The following WNK3 variants were observed in gnomAD, a reference collection of about 807,000 sequenced individuals.
WNK3 encodes the protein WNK lysine deficient protein kinase 3.
Under a neutral mutation model 116.7 loss-of-function variants are expected in WNK3, and 18 were observed. That is an observed-to-expected ratio of 0.15 (90% CI 0.11 to 0.23). The LOEUF is 0.23. Among genes scored for constraint, WNK3 ranks in the 10% least tolerant of loss-of-function variants. The pLI is 1.00. For missense variants in WNK3, 993 were observed against 1,323.8 expected (o/e 0.75, Z 3.88); for synonymous variants, 404 against 469.4 (o/e 0.86, Z 1.80).
At chrX:54,240,953 T>C (rs2068015878) in intron 17 of WNK3, among the ~76,000 whole-genome samples, 1 of 111,554 alleles carries the variant, frequency 9.0e-6, no homozygotes, top group Admixed American at 9.6e-5. Context: ...AGGTTTTGAC[T>C]TATTCACTGC....
At chrX:54,268,080 G>GCGCACACA (rs1491580080) in intron 10 of WNK3, among the ~76,000 whole-genome samples, 3 of 80,792 alleles carry the variant, frequency 3.7e-5, no homozygotes, top group South Asian at 7.8e-4. Flanking sequence ...CTGAATGCGT[G>GCGCACACA]CACACACACA....
chrX:54,265,939 G>T (rs2146993464), intron 10 of WNK3, among the ~76,000 whole-genome samples: 1 of 111,346 alleles, frequency 9.0e-6, no homozygotes, highest in African/African-American at 3.3e-5. Context: ...AGCTACCTGG[G>T]AGGCAGAGGC....
intron 22 of WNK3, among the ~76,000 whole-genome samples, chrX:54,210,360 C>T (rs782594686): frequency 7.1e-5 from 8 of 112,434 alleles, no homozygotes; most frequent in African/African-American, 2.6e-4. Flanking sequence ...GTGGCTCACG[C>T]CTGTAATCCC....
exon 16 of WNK3, chrX:54,250,062 C>G (rs781802911): frequency 1.7e-6 from 2 of 1,203,804 alleles, no homozygotes; most frequent in East Asian, 3.0e-5. Context: ...CTGAGTCTCA[C>G]GGTTTCTTAT....
intron 22 of WNK3, among the ~76,000 whole-genome samples, chrX:54,224,292 C>T (rs1247888231): frequency 1.9e-5 from 2 of 105,819 alleles, no homozygotes; most frequent in African/African-American, 6.9e-5. Context: ...GCAGAGGTTG[C>T]AGTGAGCTGA....
chrX:54,228,768 G>A (rs782082428), intron 21 of WNK3, 25 bp from the exon 22 acceptor site: 2 of 465,973 alleles, frequency 4.3e-6, no homozygotes, highest in South Asian at 7.1e-5. Context: ...GAAAAAGATA[G>A]TATCAAAATT....
At chrX:54,332,818 C>G (rs2069185175) in intron 2 of WNK3, among the ~76,000 whole-genome samples, 1 of 104,330 alleles carries the variant, frequency 9.6e-6, no homozygotes, top group Admixed American at 1.1e-4. Context: ...TGAGCCGAGA[C>G]TGCACCACTG....
chrX:54,226,094 C>CAAAAAA lies in WNK3; in HGVS notation c.4870+2619_4870+2620insTTTTTT, dbSNP rs2067833214. ...CTAGGACAAGGAGATATCCACATAC[C>CAAAAAA]CAAAAAAAAAAAAAAAAAAAAAAAA... is the stretch of plus-strand genomic sequence containing the variant. On this transcript the variant is annotated intron_variant, in intron 22 of 23. Coordinates refer to ENST00000354646, the Ensembl canonical transcript of WNK3. Among the ~76,000 whole-genome samples the CAAAAAA allele has an allele frequency of 1.2e-3, 14 of 11,991 alleles. 2 individuals are homozygous for CAAAAAA. The highest frequency in any genetic ancestry group is 0.11 in the East Asian group (2 of 18). 10.4% of individuals were successfully genotyped at this position (11,991 alleles called of 115,157 possible).
intron 20 of WNK3, among the ~76,000 whole-genome samples, chrX:54,234,992 A>G (rs1345125762): frequency 1.8e-5 from 2 of 112,148 alleles, no homozygotes; most frequent in Non-Finnish European, 3.8e-5. Flanking sequence ...ATGTAATGTC[A>G]AGCCTGTATA....
chrX:54,232,133 A>ATATG (rs1213146439), intron 21 of WNK3, among the ~76,000 whole-genome samples: 44 of 103,271 alleles, frequency 4.3e-4, no homozygotes, highest in African/African-American at 1.0e-3. Flanking sequence ...ATATATATAT[A>ATATG]TATGTATGTA....
chrX:54,260,976 TGCCTTG>T (rs1466185126), intron 10 of WNK3, among the ~76,000 whole-genome samples: 1 of 108,935 alleles, frequency 9.2e-6, no homozygotes, highest in African/African-American at 3.3e-5. Context: ...GTGATCCACC[TGCCTTG>T]GCCTCCCAAA....
chrX:54,240,215 A>G (rs1196565469), intron 17 of WNK3, among the ~76,000 whole-genome samples: 8 of 110,467 alleles, frequency 7.2e-5, no homozygotes, highest in African/African-American at 2.6e-4. Flanking sequence ...GAGGCAGGAG[A>G]ATAGCTAGAA....
chrX:54,306,214 G>A (rs1557168608), intron 5 of WNK3, among the ~76,000 whole-genome samples: 1 of 111,155 alleles, frequency 9.0e-6, no homozygotes, highest in Non-Finnish European at 1.9e-5. Flanking sequence ...GAATATAAAT[G>A]GTACAGCTGT....
chrX:54,232,287 G>A (rs992326128), intron 21 of WNK3, among the ~76,000 whole-genome samples: 18 of 109,750 alleles, frequency 1.6e-4, no homozygotes, highest in Non-Finnish European at 2.3e-4. Context: ...GATTACAGGC[G>A]CCTGCCACCA....
At chrX:54,330,876 G>A (rs1557174136) in intron 2 of WNK3, among the ~76,000 whole-genome samples, 1 of 110,585 alleles carries the variant, frequency 9.0e-6, no homozygotes, top group Non-Finnish European at 1.9e-5. Flanking sequence ...AGCCAGGAGT[G>A]GTGGCACACA....
At chrX:54,207,760 C>T (rs1030301272) in intron 22 of WNK3, among the ~76,000 whole-genome samples, 10 of 110,178 alleles carry the variant, frequency 9.1e-5, no homozygotes, top group Non-Finnish European at 1.7e-4. Context: ...GTGATCCACC[C>T]GCCCCAGCCT....
At position 54,236,104 on chromosome X, in the gene WNK3, A is replaced by G. The variant is rs1197752401; in HGVS notation, c.4628+834T>C. Among the ~76,000 whole-genome samples, 3 of 110,650 alleles carry G rather than the reference A, an allele frequency of 2.7e-5. No individual in the cohort carries two copies. The Admixed American group carries it at 2.9e-4, about 11-fold the overall frequency. On this transcript the variant is annotated intron_variant, in intron 20 of 23. Coordinates refer to ENST00000354646, the Ensembl canonical transcript of WNK3. The stretch of plus-strand genomic sequence containing the variant: ...AGAATTAGAATTCAGCAACTTAAAT[A>G]TGAATTTCTTTTCTTTTTTTTTAGA...
At chrX:54,280,579 T>C (rs2068504980) in intron 10 of WNK3, among the ~76,000 whole-genome samples, 1 of 111,974 alleles carries the variant, frequency 8.9e-6, no homozygotes, top group Admixed American at 9.5e-5. Flanking sequence ...TTGTAAGGAC[T>C]TGTGGAATAC....
intron 20 of WNK3, 123 bp downstream of exon 20, chrX:54,236,815 T>C (rs2067966211): frequency 1.2e-6 from 1 of 836,577 alleles, no homozygotes; most frequent in African/African-American, 2.0e-5. Context: ...TGTTTAGCAT[T>C]AGCATTCTTT....
Sources: gnomAD v4.1 joint callset for allele counts (sites outside exome capture counted in the v4.1 genomes callset) on GRCh38, gnomAD v4.1.1 for gene constraint, MANE v1.5 for transcripts, NCBI Gene and HGNC (gene_info 2026-07-23, HGNC 2026-07-21) for gene names.